Variants in MDM4 observed in about 807,000 individuals in gnomAD.
The protein encoded by MDM4 is protein Mdm4.
In MDM4, 2 loss-of-function variants were observed where a neutral mutation model predicts 60.2. The observed-to-expected ratio is 0.03, with a 90% CI of 0.01 to 0.10. The LOEUF is 0.10. Among genes scored for constraint, MDM4 ranks in the 10% least tolerant of loss-of-function variants. The pLI is 1.00. For synonymous variants in MDM4, 202 were observed against 198.1 expected (o/e 1.02, Z -0.17); for missense variants, 447 against 577.5 (o/e 0.77, Z 2.32).
intron 4 of MDM4, among the ~76,000 whole-genome samples, 173 bp downstream of exon 4, chr1:204,530,990 A>G (rs891081342): frequency 1.3e-5 from 2 of 152,220 alleles, no homozygotes; most frequent in African/African-American, 4.8e-5. Context: ...GTCTGATTTT[A>G]TGGAGTATAC....
At chr1:204,544,411 T>TA in intron 8 of MDM4, 124 bp from the exon 9 acceptor site, 1 of 910,164 alleles carries the variant, frequency 1.1e-6, no homozygotes. Flanking sequence ...GTCCACTGAA[T>TA]AAAGGCAAGA....
chr1:204,521,878 T>C (rs1659601727), intron 1 of MDM4, among the ~76,000 whole-genome samples: 1 of 152,146 alleles, frequency 6.6e-6, no homozygotes, highest in Non-Finnish European at 1.5e-5. Context: ...ATATGTAGTG[T>C]TTTGGTTGGT....
rs956337470 is a variant in MDM4 at position 204,552,594 on chromosome 1, T to G, written c.*2912T>G. ...ACCTCGGCCTCCCAAAGTCCTGCGATTACAGGCGTGAGCTACCGCACCCAG... is the reference window on the plus strand; with the variant it reads ...ACCTCGGCCTCCCAAAGTCCTGCGAGTACAGGCGTGAGCTACCGCACCCAG... On this transcript the variant is annotated 3_prime_UTR_variant, in exon 11 of 11. Transcript: ENST00000367182. The G allele has an allele frequency of 4.1e-5, 7 of 170,840 alleles. No individual in the cohort carries two copies. The highest frequency in any genetic ancestry group is 8.9e-5 in the Non-Finnish European group (7 of 78,612). 10.6% of individuals were successfully genotyped at this position (170,840 alleles called of 1,614,324 possible).
At chr1:204,523,982 A>T (rs1303845089) in intron 1 of MDM4, among the ~76,000 whole-genome samples, 1 of 151,998 alleles carries the variant, frequency 6.6e-6, no homozygotes, top group Non-Finnish European at 1.5e-5. Flanking sequence ...TGGCTGGGCG[A>T]GTAGTATGGC....
chr1:204,543,487 G>A (rs939410943), intron 8 of MDM4, among the ~76,000 whole-genome samples: 1 of 152,150 alleles, frequency 6.6e-6, no homozygotes, highest in East Asian at 1.9e-4. Context: ...TGACACTGTA[G>A]CCCAAAATTG....
intron 7 of MDM4, among the ~76,000 whole-genome samples, chr1:204,542,160 C>A (rs984691532): frequency 6.6e-6 from 1 of 152,178 alleles, no homozygotes; most frequent in Non-Finnish European, 1.5e-5. Context: ...CCAGCGAGGG[C>A]ATATGTATGT....
chr1:204,539,173 T>G (rs1661755302), intron 7 of MDM4, among the ~76,000 whole-genome samples: 1 of 151,950 alleles, frequency 6.6e-6, no homozygotes, highest in South Asian at 2.1e-4. Flanking sequence ...CTGGCTAATT[T>G]TGGGGTTTTG....
rs2102457735 is a variant in MDM4 at position 204,549,427 on chromosome 1, C to T, written c.1218C>T (p.Thr406=). The T allele has an allele frequency of 3.1e-6, 5 of 1,612,880 alleles. No individual in the cohort carries two copies. Among genetic ancestry groups the T allele is most frequent in the Non-Finnish European group, 3.4e-6 (4 of 1,179,706 alleles). ...DLAHSSESQE[T]ISSMGEQLDN... is the part of the protein sequence containing the mutation. ...CTCACAGTTCTGAAAGCCAAGAGACCATCTCAAGCATGGGAGAACAGTTAG... is the reference window on the plus strand; with the variant it reads ...CTCACAGTTCTGAAAGCCAAGAGACTATCTCAAGCATGGGAGAACAGTTAG... The change falls in exon 11 of 11, where the codon ACC becomes ACT. Residue 406 remains threonine, a synonymous_variant. Coordinates refer to ENST00000367182, the MANE Select transcript of MDM4 (RefSeq NM_002393.5).
chr1:204,528,892 G>C, intron 3 of MDM4: 1 of 1,593,808 alleles, frequency 6.3e-7, no homozygotes, highest in Non-Finnish European at 8.6e-7. Context: ...AAGCTGAGCC[G>C]AATGTTGCCT....
chr1:204,539,923 C>T (rs914900377), intron 7 of MDM4, among the ~76,000 whole-genome samples: 2 of 152,002 alleles, frequency 1.3e-5, no homozygotes, highest in South Asian at 2.1e-4. Flanking sequence ...GTTTCATGCA[C>T]GGAATTATTT....
chr1:204,534,351 G>A (rs1482969721), intron 5 of MDM4, among the ~76,000 whole-genome samples: 1 of 152,118 alleles, frequency 6.6e-6, no homozygotes. Flanking sequence ...TTTTATAATT[G>A]CTGATCTACT....
intron 1 of MDM4, among the ~76,000 whole-genome samples, chr1:204,523,472 A>ATT (rs1558310638): frequency 3.4e-5 from 3 of 89,168 alleles, no homozygotes; most frequent in South Asian, 4.3e-4. Context: ...ACCTAAAAAA[A>ATT]ATTTTTTTTT....
intron 3 of MDM4, chr1:204,528,872 G>T: frequency 6.3e-7 from 1 of 1,586,888 alleles, no homozygotes; most frequent in South Asian, 1.1e-5. Flanking sequence ...TCATGGTGAC[G>T]ACGTCCTTGA....
chr1:204,530,853 G>A (rs2102352671), intron 4 of MDM4, 36 bp downstream of exon 4: 1 of 1,613,478 alleles, frequency 6.2e-7, no homozygotes. Context: ...CTTTTTGGGT[G>A]CTTATACCTA....
intron 3 of MDM4, chr1:204,529,501 C>T: frequency 1.3e-6 from 2 of 1,518,442 alleles, no homozygotes; most frequent in Non-Finnish European, 8.9e-7. Flanking sequence ...TTGAGGTGTC[C>T]ATAGGGCCCT....
Position 204,553,490 on chromosome 1 carries a change from G to A in MDM4, c.*3808G>A. Reference sequence around the variant, plus strand: ...AAATTATATGGTCACCTAGTTATAGGTAAGCCTTGTTCGAGTTGATATCTT... The same window carrying A: ...AAATTATATGGTCACCTAGTTATAGATAAGCCTTGTTCGAGTTGATATCTT... On this transcript the variant is annotated 3_prime_UTR_variant, in exon 11 of 11. Transcript: ENST00000367182. 2 of 226,078 alleles carry A rather than the reference G, an allele frequency of 8.8e-6. No homozygotes were observed. Among genetic ancestry groups the A allele is most frequent in the Non-Finnish European group, 1.8e-5 (2 of 113,548 alleles). 14.0% of individuals were successfully genotyped at this position (226,078 alleles called of 1,614,324 possible). A position where few individuals can be genotyped will look rare whatever the true frequency, so the allele number is the denominator to read the frequency against.
intron 5 of MDM4, among the ~76,000 whole-genome samples, chr1:204,533,757 C>G (rs1436573378): frequency 6.7e-6 from 1 of 148,406 alleles, no homozygotes; most frequent in Admixed American, 6.8e-5. Flanking sequence ...TCCTTTTTAT[C>G]TTTTTCTTTC....
In MDM4 at chr1:204,541,533, G is replaced by A. The variant is rs529178815; in HGVS notation, c.512-1251G>A. 2.6e-5 allele frequency among the ~76,000 whole-genome samples: 4 copies of A among 152,248 alleles called. No individual in the cohort carries two copies. In the South Asian group the frequency reaches 8.3e-4, roughly 32 times the overall value. On this transcript the variant is annotated intron_variant, in intron 7 of 10. Coordinates refer to ENST00000367182, the MANE Select transcript of MDM4 (RefSeq NM_002393.5). Reference sequence around the variant, plus strand: ...GTATTTAAGAATAGCCAACTCAAGGGGGGATATGTAGTTTGTGATGAAAAT... The same window carrying A: ...GTATTTAAGAATAGCCAACTCAAGGAGGGATATGTAGTTTGTGATGAAAAT...
intron 3 of MDM4, among the ~76,000 whole-genome samples, chr1:204,529,869 C>G (rs951304826): frequency 2.6e-5 from 4 of 152,106 alleles, no homozygotes; most frequent in African/African-American, 9.7e-5. Context: ...AAGGGAATTT[C>G]CTGATTTTTA....
Sources: gnomAD v4.1 joint callset for allele counts (sites outside exome capture counted in the v4.1 genomes callset) on GRCh38, gnomAD v4.1.1 for gene constraint, MANE v1.5 for transcripts, NCBI Gene and HGNC (gene_info 2026-07-23, HGNC 2026-07-21) for gene names.